The following SLC2A12 variants were observed in gnomAD, a reference collection of about 807,000 sequenced individuals.
SLC2A12 encodes solute carrier family 2 member 12.
Under a neutral mutation model 41.8 loss-of-function variants are expected in SLC2A12, and 23 were observed. The observed-to-expected ratio is 0.55, with a 90% CI of 0.40 to 0.78. SLC2A12 has a LOEUF of 0.78. Among genes scored for constraint, SLC2A12 ranks in the 30% least tolerant of loss-of-function variants. SLC2A12 has a pLI of 0.00. For synonymous variants in SLC2A12, 295 were observed against 285.9 expected (o/e 1.03, Z -0.32); for missense variants, 654 against 745.6 (o/e 0.88, Z 1.43).
intron 3 of SLC2A12, 61 bp from the exon 4 acceptor site, chr6:134,002,190 G>T: frequency 6.4e-7 from 1 of 1,550,896 alleles, no homozygotes; most frequent in South Asian, 1.2e-5. Flanking sequence ...TCCCATTTGT[G>T]AACAGCCACT....
At chr6:134,036,993 A>G (rs1191335069) in intron 1 of SLC2A12, among the ~76,000 whole-genome samples, 6 of 151,162 alleles carry the variant, frequency 4.0e-5, no homozygotes, top group Admixed American at 3.9e-4. Context: ...GTTCCATAAC[A>G]TTCTCCAGGC....
chr6:134,026,706 TACTC>T (rs1364704778), intron 2 of SLC2A12, among the ~76,000 whole-genome samples: 1 of 152,220 alleles, frequency 6.6e-6, no homozygotes, highest in African/African-American at 2.4e-5. Context: ...TTGTAATGTT[TACTC>T]TATCTGCCCA....
intron 3 of SLC2A12, among the ~76,000 whole-genome samples, chr6:134,005,455 G>A (rs542119382): frequency 3.3e-5 from 5 of 151,400 alleles, no homozygotes; most frequent in East Asian, 2.0e-4. Flanking sequence ...TCAGGAGTTC[G>A]AGACCAGCCT....
chr6:134,033,972 G>A (rs910615464), intron 1 of SLC2A12, among the ~76,000 whole-genome samples: 12 of 152,010 alleles, frequency 7.9e-5, no homozygotes, highest in Non-Finnish European at 1.5e-4. Flanking sequence ...TTCTCGGGCC[G>A]GGACTCATAG....
intron 3 of SLC2A12, among the ~76,000 whole-genome samples, chr6:134,006,184 AAAAAAAAAC>A (rs1355712057): frequency 1.1e-4 from 15 of 140,530 alleles, no homozygotes; most frequent in East Asian, 4.1e-4. Flanking sequence ...CGGAAAAAAA[AAAAAAAAAC>A]AAAAAAAAAA....
intron 2 of SLC2A12, among the ~76,000 whole-genome samples, chr6:134,014,408 T>C (rs985286248): frequency 2.0e-5 from 3 of 152,154 alleles, no homozygotes; most frequent in Non-Finnish European, 4.4e-5. Flanking sequence ...CCCCGGAGCA[T>C]GCATACCCCA....
intron 2 of SLC2A12, among the ~76,000 whole-genome samples, chr6:134,010,585 A>G (rs1487084109): frequency 6.6e-6 from 1 of 152,142 alleles, no homozygotes; most frequent in Non-Finnish European, 1.5e-5. Context: ...GGTCTTGTCT[A>G]TGTTGCAATA....
intron 2 of SLC2A12, among the ~76,000 whole-genome samples, chr6:134,026,890 TTCTC>T (rs1303949005): frequency 2.0e-5 from 3 of 152,040 alleles, no homozygotes; most frequent in South Asian, 2.1e-4. Flanking sequence ...CACCTAACCC[TTCTC>T]TCTCTCTCTT....
At chr6:133,992,248 T>C (rs1776633771) in intron 4 of SLC2A12, among the ~76,000 whole-genome samples, 2 of 152,282 alleles carry the variant, frequency 1.3e-5, no homozygotes, top group Non-Finnish European at 1.5e-5. Context: ...AATGGAAGCA[T>C]TGGCCTTTGC....
Position 133,989,658 on chromosome 6 carries a change from G to A in SLC2A12, c.*1497C>T, listed in dbSNP as rs1392134550. On this transcript the variant is annotated 3_prime_UTR_variant, in exon 5 of 5. Transcript: ENST00000275230. The stretch of plus-strand genomic sequence containing the variant: ...CCAATTTTTATACAGATAATACACT[G>A]CAGATCCAGGCCTTTTAGTCAGTCT... 3 of 152,108 alleles carry A rather than the reference G, an allele frequency of 2.0e-5. No individual in the cohort carries two copies. The highest frequency in any genetic ancestry group is 1.3e-4 in the Admixed American group (2 of 15,272). The allele number at this position is 152,108 out of a possible 1,614,324, so 9.4% of individuals were successfully genotyped here.
intron 3 of SLC2A12, among the ~76,000 whole-genome samples, chr6:134,003,714 A>G (rs114390931): frequency 0.011 from 1,719 of 152,296 alleles, 29 homozygotes; most frequent in African/African-American, 0.039. Context: ...TGCCCTCGCC[A>G]TTCAGGTTGC....
At chr6:134,035,151 CAAAAAAAAAAAA>C (rs71003662) in intron 1 of SLC2A12, among the ~76,000 whole-genome samples, 1 of 107,908 alleles carries the variant, frequency 9.3e-6, no homozygotes, top group Non-Finnish European at 1.9e-5. Flanking sequence ...GGCTGCCTGA[CAAAAAAAAAAAA>C]AAAAAAAAAA....
Position 133,991,161 on chromosome 6 carries a change from C to G in SLC2A12, c.1848G>C (p.Glu616Asp), listed in dbSNP as rs1472579750. Residue 616 changes from glutamate (E) to aspartate (D), a missense_variant, in exon 5 of 5, where the codon GAG (glutamate) becomes GAC (aspartate). This residue lies in a region of SLC2A12 where 134 missense variants were observed against 180.5 expected (regional missense o/e 0.74). Coordinates refer to ENST00000275230, the MANE Select transcript of SLC2A12 (RefSeq NM_145176.3). ...TCAGAAGGTGTTGAGGCCATTAGGT[C>G]TCTGGAGAAAGCTGCCTGGATTGGC... ...GRGQSRQLSPET is the reference protein window; with the variant it reads ...GRGQSRQLSPDT 1.2e-6 allele frequency: 2 copies of G among 1,612,332 alleles called. No individual in the cohort carries two copies. Among genetic ancestry groups the G allele is most frequent in the Non-Finnish European group, 1.7e-6 (2 of 1,179,592 alleles).
At chr6:134,006,182 A>C (rs966689075) in intron 3 of SLC2A12, among the ~76,000 whole-genome samples, 6 of 142,868 alleles carry the variant, frequency 4.2e-5, no homozygotes, top group Admixed American at 1.4e-4. Flanking sequence ...ATCGGAAAAA[A>C]AAAAAAAAAA....
intron 4 of SLC2A12, among the ~76,000 whole-genome samples, chr6:133,992,912 A>C (rs1030180077): frequency 1.3e-5 from 2 of 152,132 alleles, no homozygotes; most frequent in African/African-American, 4.8e-5. Flanking sequence ...TCACAGCAAA[A>C]TTGATGTAAG....
In SLC2A12 at chr6:134,029,435, G is replaced by A. The variant is rs147326254; in HGVS notation, c.390C>T (p.Tyr130=). 1.3e-4 allele frequency: 217 copies of A among 1,614,150 alleles called. No individual in the cohort carries two copies. The African/African-American group carries it at 2.6e-3, about 19-fold the overall frequency. ...GSLVLILSLS[Y]TVLIVGRIAI... ...CAATGCGTCCCACTATAAGAACCGT[G>A]TAGGATAAACTGAGGATCAAGACTA... The change falls in exon 2 of 5, where the codon TAC becomes TAT. Residue 130 remains tyrosine, a synonymous_variant. Coordinates refer to ENST00000275230, the MANE Select transcript of SLC2A12 (RefSeq NM_145176.3).
intron 4 of SLC2A12, among the ~76,000 whole-genome samples, chr6:133,995,033 A>G (rs1439061112): frequency 6.6e-6 from 1 of 152,216 alleles, no homozygotes; most frequent in Admixed American, 6.5e-5. Flanking sequence ...AAGTAATTTC[A>G]GGAGCGGAGT....
chr6:134,037,943 T>C (rs1388462281), intron 1 of SLC2A12, among the ~76,000 whole-genome samples: 4 of 152,166 alleles, frequency 2.6e-5, no homozygotes, highest in African/African-American at 9.7e-5. Context: ...CTCCTTGGCA[T>C]TGGACCCTGC....
chr6:134,003,710 C>T (rs186131932), intron 3 of SLC2A12, among the ~76,000 whole-genome samples: 215 of 152,288 alleles, frequency 1.4e-3, no homozygotes, highest in African/African-American at 4.6e-3. Context: ...TTACTGCCCT[C>T]GCCATTCAGG....
Sources: gnomAD v4.1 joint callset for allele counts (sites outside exome capture counted in the v4.1 genomes callset) on GRCh38, gnomAD v4.1.1 for gene constraint, gnomAD v4.1.1 regional missense constraint, MANE v1.5 for transcripts, NCBI Gene and HGNC (gene_info 2026-07-23, HGNC 2026-07-21) for gene names.